MAGI2: variants seen among roughly 807,000 people sequenced by gnomAD.
MAGI2 encodes membrane-associated guanylate kinase, WW and PDZ domain-containing protein 2.
A neutral mutation model predicts 133.3 loss-of-function variants in MAGI2; 35 were observed. The observed-to-expected ratio is 0.26, with a 90% CI of 0.20 to 0.35. MAGI2 has a LOEUF of 0.35. Ranked by LOEUF, MAGI2 falls within the 10% of genes least tolerant of loss-of-function variation. MAGI2 has a pLI of 1.00. For synonymous variants in MAGI2, 729 were observed against 710.6 expected (o/e 1.03, Z -0.41); for missense variants, 1,636 against 1,863.4 (o/e 0.88, Z 2.25).
intron 9 of MAGI2, among the ~76,000 whole-genome samples, chr7:78,331,710 T>C (rs1477659220): frequency 6.6e-6 from 1 of 152,184 alleles, no homozygotes; most frequent in East Asian, 1.9e-4. Context: ...AAATGCCAAT[T>C]TTATACCCAG....
intron 1 of MAGI2, among the ~76,000 whole-genome samples, chr7:79,436,171 G>A (rs2129191531): frequency 6.7e-6 from 1 of 149,070 alleles, no homozygotes; most frequent in African/African-American, 2.5e-5. Context: ...GTTTCAGTGA[G>A]CCGAGATCGT....
chr7:78,795,771 T>C (rs1253311212), intron 2 of MAGI2, among the ~76,000 whole-genome samples: 2 of 152,110 alleles, frequency 1.3e-5, no homozygotes, highest in Admixed American at 6.6e-5. Context: ...CAAAGCGGCA[T>C]GGTACCGGCA....
At chr7:79,201,652 T>A (rs1204835805) in intron 1 of MAGI2, among the ~76,000 whole-genome samples, 2 of 152,066 alleles carry the variant, frequency 1.3e-5, no homozygotes, top group East Asian at 3.9e-4. Flanking sequence ...CTAAGAAGTT[T>A]GGGTTTGTTA....
intron 20 of MAGI2, among the ~76,000 whole-genome samples, chr7:78,090,033 G>T (rs918088772): frequency 6.6e-6 from 1 of 152,010 alleles, no homozygotes; most frequent in Non-Finnish European, 1.5e-5. Context: ...TTCCTTCCTC[G>T]GCATTTTTGC....
intron 2 of MAGI2, among the ~76,000 whole-genome samples, chr7:78,933,541 T>G (rs1439331447): frequency 6.6e-6 from 1 of 152,186 alleles, no homozygotes; most frequent in Non-Finnish European, 1.5e-5. Context: ...GAATTCATCA[T>G]AAGCTGGAAG....
At chr7:79,010,235 A>ATG (rs1807921546) in intron 1 of MAGI2, among the ~76,000 whole-genome samples, 1 of 151,582 alleles carries the variant, frequency 6.6e-6, no homozygotes, top group South Asian at 2.1e-4. Context: ...ATACATATGT[A>ATG]TATGTATGTA....
At chr7:78,767,107 G>A (rs575435307) in intron 2 of MAGI2, among the ~76,000 whole-genome samples, 47 of 151,544 alleles carry the variant, frequency 3.1e-4, no homozygotes, top group Middle Eastern at 3.4e-3. Flanking sequence ...CTCCTGCCTC[G>A]GCCTCCCGAG....
Position 79,367,875 on chromosome 7 carries a change from A to ATATATATATATATATATATATG in MAGI2, c.301+85144_301+85145insCATATATATATATATATATATA, listed in dbSNP as rs1342246318. ...ATATGTGACATATATATATATATAT[A>ATATATATATATATATATATATG]TGTCATTGACTGGTCAGTCTTCTTC... is the stretch of plus-strand genomic sequence containing the variant. On this transcript the variant is annotated intron_variant, in intron 1 of 21. Transcript: ENST00000354212. Among the ~76,000 whole-genome samples the ATATATATATATATATATATATG allele has an allele frequency of 5.2e-4, 63 of 122,072 alleles. 5 individuals carry two copies. The highest frequency in any genetic ancestry group is 1.9e-3 in the East Asian group (8 of 4,166). The allele number at this position is 122,072 out of a possible 152,430, so 80.1% of individuals were successfully genotyped here.
intron 10 of MAGI2, among the ~76,000 whole-genome samples, chr7:78,227,850 T>TTTGTGTGTGTGTGTG (rs10630131): frequency 4.1e-5 from 6 of 145,546 alleles, no homozygotes; most frequent in Non-Finnish European, 9.1e-5. Flanking sequence ...TCTTACTCAG[T>TTTGTGTGTGTGTGTG]TGTGTGTGTG....
At chr7:78,194,169 C>G (rs1397852185) in intron 12 of MAGI2, among the ~76,000 whole-genome samples, 4 of 152,152 alleles carry the variant, frequency 2.6e-5, no homozygotes, top group Admixed American at 2.6e-4. Context: ...TTCCTGTCCT[C>G]TAACATGTGG....
At chr7:79,229,131 C>T (rs1300749102) in intron 1 of MAGI2, among the ~76,000 whole-genome samples, 1 of 146,504 alleles carries the variant, frequency 6.8e-6, no homozygotes, top group African/African-American at 2.5e-5. Context: ...TAGATTTGTA[C>T]TAAGCACAGG....
intron 20 of MAGI2, among the ~76,000 whole-genome samples, chr7:78,110,006 G>A (rs1177063102): frequency 6.6e-6 from 1 of 152,012 alleles, no homozygotes; most frequent in East Asian, 1.9e-4. Flanking sequence ...GCCTGAGCAC[G>A]CCCCCTAGTT....
chr7:79,188,029 A>T (rs1466440244), intron 1 of MAGI2, among the ~76,000 whole-genome samples: 1 of 151,906 alleles, frequency 6.6e-6, no homozygotes, highest in African/African-American at 2.4e-5. Flanking sequence ...CTGTGGATTG[A>T]GTGCACAAGA....
intron 2 of MAGI2, among the ~76,000 whole-genome samples, chr7:78,728,341 A>T (rs988159391): frequency 1.3e-5 from 2 of 152,140 alleles, no homozygotes; most frequent in Admixed American, 6.5e-5. Flanking sequence ...AAAGCTTTTT[A>T]AAAAATGATC....
At chr7:78,302,679 C>G (rs550122178) in intron 9 of MAGI2, among the ~76,000 whole-genome samples, 1 of 152,258 alleles carries the variant, frequency 6.6e-6, no homozygotes, top group African/African-American at 2.4e-5. Context: ...TGCTGAGGCC[C>G]TAGACATGAA....
Position 78,957,296 on chromosome 7 carries a change from GA to G in MAGI2, c.418+49793del, listed in dbSNP as rs923894582. Among the ~76,000 whole-genome samples the G allele has an allele frequency of 9.0e-5, 12 of 133,882 alleles. 1 individual carries two copies. Among genetic ancestry groups the G allele is most frequent in the South Asian group, 7.4e-4 (3 of 4,064 alleles). 87.8% of individuals were successfully genotyped at this position (133,882 alleles called of 152,430 possible). A position where few individuals can be genotyped will look rare whatever the true frequency, so the allele number is the denominator to read the frequency against. ...AAAAAAAAAAAAAAAGAAAAGAAAAGAAAAAAAAATTTAGGAACCCCTCCTA... is the reference window on the plus strand; with the variant it reads ...AAAAAAAAAAAAAAAGAAAAGAAAAGAAAAAAAATTTAGGAACCCCTCCTA... On this transcript the variant is annotated intron_variant, in intron 2 of 21. Transcript: ENST00000354212.
At chr7:79,267,398 C>A (rs533905463) in intron 1 of MAGI2, among the ~76,000 whole-genome samples, 2 of 152,256 alleles carry the variant, frequency 1.3e-5, no homozygotes, top group South Asian at 4.1e-4. Flanking sequence ...CTCTTGCCCA[C>A]TGATGGGGTT....
chr7:78,989,041 CT>C (rs549537298), intron 2 of MAGI2, among the ~76,000 whole-genome samples: 217 of 152,116 alleles, frequency 1.4e-3, no homozygotes, highest in Non-Finnish European at 2.6e-3. Flanking sequence ...TTGTTTGCAA[CT>C]ATGTCCAGAA....
intron 2 of MAGI2, among the ~76,000 whole-genome samples, chr7:78,678,619 A>C (rs1331056076): frequency 6.6e-6 from 1 of 152,142 alleles, no homozygotes; most frequent in Non-Finnish European, 1.5e-5. Flanking sequence ...TATCTTTCAC[A>C]TTAGACCATA....
Sources: allele counts gnomAD v4.1 joint callset (sites outside exome capture counted in the v4.1 genomes callset), GRCh38; gene constraint gnomAD v4.1.1; transcripts MANE v1.5; gene names NCBI Gene and HGNC (gene_info 2026-07-23, HGNC 2026-07-21).